Variants in USP18 observed in about 807,000 individuals in gnomAD.
USP18 encodes ubl carboxyl-terminal hydrolase 18.
USP18 carries 11 observed loss-of-function variants against 48.7 expected under a neutral mutation model. The ratio of observed to expected loss-of-function variants is 0.23; its 90% CI spans 0.14 to 0.37. The LOEUF (loss-of-function observed/expected upper bound fraction) is 0.37. USP18 is among the 10% of genes least tolerant of loss of function. The pLI, the probability that USP18 is intolerant of heterozygous loss-of-function variation, is 1.00. For synonymous variants in USP18, 114 were observed against 163.2 expected (o/e 0.70, Z 2.30); for missense variants, 285 against 436.4 (o/e 0.65, Z 3.09).
intron 2 of USP18, among the ~76,000 whole-genome samples, chr22:18,158,789 G>A (rs1051337541): frequency 6.6e-6 from 1 of 152,120 alleles, no homozygotes; most frequent in Non-Finnish European, 1.5e-5. Flanking sequence ...GTGGGAACTG[G>A]GCAGAGACCT....
chr22:18,152,951 G>T (rs1291938838), intron 1 of USP18, among the ~76,000 whole-genome samples: 1 of 152,146 alleles, frequency 6.6e-6, no homozygotes, highest in African/African-American at 2.4e-5. Flanking sequence ...TCTTTCATCA[G>T]CTTTCCCTCA....
intron 1 of USP18, 125 bp from the exon 2 acceptor site, chr22:18,157,431 GCT>G: frequency 1.9e-6 from 1 of 525,038 alleles, no homozygotes; most frequent in South Asian, 2.2e-5. Flanking sequence ...CCAGCCTAGA[GCT>G]CTATGAGTCA....
intron 4 of USP18, among the ~76,000 whole-genome samples, chr22:18,166,414 A>T (rs1929479016): frequency 6.6e-6 from 1 of 152,180 alleles, no homozygotes; most frequent in African/African-American, 2.4e-5. Context: ...TTTGTTTAGT[A>T]ACGCCAACAT....
At chr22:18,165,677 G>A (rs1219963354) in intron 4 of USP18, among the ~76,000 whole-genome samples, 3 of 152,026 alleles carry the variant, frequency 2.0e-5, no homozygotes, top group African/African-American at 7.2e-5. Context: ...GATCTTTCCT[G>A]AGACTTGGCA....
At chr22:18,159,762 G>A (rs1410293549) in intron 2 of USP18, among the ~76,000 whole-genome samples, 9 of 144,016 alleles carry the variant, frequency 6.2e-5, no homozygotes, top group African/African-American at 1.3e-4. Flanking sequence ...TGCAAGCTCC[G>A]CCTCCTGGGT....
chr22:18,157,593 T>A lies in USP18; in HGVS notation c.-71T>A. The A allele has an allele frequency of 6.3e-7, 1 of 1,590,124 alleles. No individual in the cohort carries two copies. The highest frequency in any genetic ancestry group is 8.6e-7 in the Non-Finnish European group (1 of 1,166,358). On this transcript the variant is annotated 5_prime_UTR_variant, in exon 2 of 11. Coordinates refer to ENST00000215794, the MANE Select transcript of USP18 (RefSeq NM_017414.4). ...GTGCCTGGCTCACATAAGCGCTTCCTGGAAGTGAAGTCGTGCTGTCCTGAA... is the reference window on the plus strand; with the variant it reads ...GTGCCTGGCTCACATAAGCGCTTCCAGGAAGTGAAGTCGTGCTGTCCTGAA...
At chr22:18,167,750 C>T (rs1000612879) in intron 5 of USP18, 140 bp from the exon 6 acceptor site, 7 of 768,030 alleles carry the variant, frequency 9.1e-6, no homozygotes, top group South Asian at 7.1e-5. Context: ...AAACACTTAT[C>T]ACAGTTTCAT....
At chr22:18,165,746 C>G (rs1042667502) in intron 4 of USP18, among the ~76,000 whole-genome samples, 1 of 150,830 alleles carries the variant, frequency 6.6e-6, no homozygotes, top group Admixed American at 6.6e-5. Flanking sequence ...GGGGTGGCTT[C>G]GAAACTTCCA....
intron 4 of USP18, among the ~76,000 whole-genome samples, chr22:18,162,143 C>G (rs1057258446): frequency 2.0e-5 from 3 of 152,152 alleles, no homozygotes; most frequent in African/African-American, 7.2e-5. Context: ...ACTTCCATAC[C>G]TAACCTTTCT....
chr22:18,167,356 A>G (rs1929501825), intron 5 of USP18, 22 bp downstream of exon 5: 1 of 1,612,850 alleles, frequency 6.2e-7, no homozygotes, highest in South Asian at 1.1e-5. Flanking sequence ...GAACCAGAGC[A>G]CTCGGAAGCT....
intron 6 of USP18, among the ~76,000 whole-genome samples, chr22:18,168,423 GTCTTCC>G (rs1344743536): frequency 6.6e-6 from 1 of 150,840 alleles, no homozygotes; most frequent in South Asian, 2.1e-4. Flanking sequence ...TGGAGACAGA[GTCTTCC>G]TCTGTTGCCC....
chr22:18,167,788 C>T, intron 5 of USP18, 102 bp from the exon 6 acceptor site: 1 of 1,350,182 alleles, frequency 7.4e-7, no homozygotes, highest in Non-Finnish European at 1.0e-6. Flanking sequence ...TATTTTGCAC[C>T]TTTGTGAGGA....
chr22:18,168,176 G>T (rs1032114396), intron 6 of USP18, 140 bp downstream of exon 6: 1 of 1,390,810 alleles, frequency 7.2e-7, no homozygotes, highest in Admixed American at 2.4e-5. Flanking sequence ...GCTGCACCTG[G>T]TGAGGGCCTG....
intron 8 of USP18, among the ~76,000 whole-genome samples, chr22:18,172,266 G>C (rs987205120): frequency 2.6e-5 from 4 of 152,064 alleles, no homozygotes; most frequent in African/African-American, 9.7e-5. Flanking sequence ...ACCCTGTACT[G>C]GATTTTTTTG....
intron 4 of USP18, among the ~76,000 whole-genome samples, chr22:18,164,678 C>T (rs1302105427): frequency 1.3e-5 from 2 of 152,170 alleles, no homozygotes; most frequent in African/African-American, 4.8e-5. Context: ...GGCATTTCTG[C>T]CTGTTTGCTC....
At chr22:18,160,793 T>C (rs1480925101) in intron 3 of USP18, among the ~76,000 whole-genome samples, 1 of 139,842 alleles carries the variant, frequency 7.2e-6, no homozygotes, top group Admixed American at 7.4e-5. Flanking sequence ...TTTTTTGAGA[T>C]GAAGCCTCAC....
intron 1 of USP18, among the ~76,000 whole-genome samples, chr22:18,150,717 G>A (rs5993014): frequency 0.31 from 47,116 of 152,016 alleles, 8,153 homozygotes; most frequent in African/African-American, 0.46. Flanking sequence ...TGTAATCCCA[G>A]CACTTTGGGA....
rs1929196536 is a variant in USP18, at chr22:18,157,598, G to C, written c.-66G>C. On this transcript the variant is annotated 5_prime_UTR_variant, in exon 2 of 11. Coordinates refer to ENST00000215794, the MANE Select transcript of USP18 (RefSeq NM_017414.4). ...TGGCTCACATAAGCGCTTCCTGGAA[G>C]TGAAGTCGTGCTGTCCTGAACGCGG... 1 of 1,592,912 alleles carries C rather than the reference G, an allele frequency of 6.3e-7. No individual in the cohort carries two copies. Among genetic ancestry groups the C allele is most frequent in the Non-Finnish European group, 8.6e-7 (1 of 1,168,046 alleles).
At chr22:18,169,290 C>A (rs2123739188) in intron 6 of USP18, among the ~76,000 whole-genome samples, 1 of 152,066 alleles carries the variant, frequency 6.6e-6, no homozygotes. Flanking sequence ...AAGTGTGGAG[C>A]CAGGCTGGGT....
Sources: allele counts gnomAD v4.1 joint callset (sites outside exome capture counted in the v4.1 genomes callset), GRCh38; gene constraint gnomAD v4.1.1; transcripts MANE v1.5; gene names NCBI Gene and HGNC (gene_info 2026-07-23, HGNC 2026-07-21).